The following SOX5 variants were observed in gnomAD, a reference collection of about 807,000 sequenced individuals.
SOX5 encodes SRY-box transcription factor 5.
In SOX5, 9 loss-of-function variants were observed where a neutral mutation model predicts 92.0. The observed-to-expected ratio is 0.10, with a 90% CI of 0.06 to 0.17. The LOEUF is 0.17. Among genes scored for constraint, SOX5 ranks in the 10% least tolerant of loss-of-function variants. The probability of loss-of-function intolerance (pLI) is 1.00; values close to 1 mark genes in which losing one functional copy is unlikely to be tolerated. For synonymous variants in SOX5, 344 were observed against 336.3 expected, an observed-to-expected ratio of 1.02 and a Z score of -0.25; for missense variants, 642 against 944.5, an observed-to-expected ratio of 0.68 and a Z score of 4.20.
intron 4 of SOX5, among the ~76,000 whole-genome samples, chr12:24,047,997 G>T (rs74757488): frequency 0.15 from 23,050 of 152,090 alleles, 2,024 homozygotes; most frequent in Non-Finnish European, 0.2. Flanking sequence ...AAGGTTCTCA[G>T]GTGAATACCT....
Position 24,505,852 on chromosome 12 carries a change from T to TGTGTGC in SOX5, c.-251+56476_-251+56477insGCACAC, listed in dbSNP as rs1252814448. ...GTATGTGTGTGTGTGTGTGTGTGTG[T>TGTGTGC]GCGTGTGTGTGTGTGTGTGTGCGCA... On this transcript the variant is annotated intron_variant, in intron 1 of 4. Coordinates refer to the SOX5 transcript ENST00000446891. Among the ~76,000 whole-genome samples, 311 of 146,320 alleles carry TGTGTGC rather than the reference T, an allele frequency of 2.1e-3. 1 individual carries two copies. Among genetic ancestry groups the TGTGTGC allele is most frequent in the African/African-American group, 7.1e-3 (283 of 39,616 alleles).
intron 2 of SOX5, among the ~76,000 whole-genome samples, chr12:24,330,295 A>G (rs1178957746): frequency 1.3e-5 from 2 of 152,210 alleles, no homozygotes; most frequent in Non-Finnish European, 2.9e-5. Context: ...TTAAGAAACA[A>G]ATTCAATCTT....
chr12:23,638,937 T>C (rs1449981183), intron 8 of SOX5, among the ~76,000 whole-genome samples: 2 of 151,912 alleles, frequency 1.3e-5, no homozygotes, highest in East Asian at 3.9e-4. Flanking sequence ...TGTGTTTTAA[T>C]AGTAGCTGAT....
chr12:23,559,790 C>T (rs1471846264), intron 11 of SOX5, among the ~76,000 whole-genome samples: 1 of 152,178 alleles, frequency 6.6e-6, no homozygotes, highest in East Asian at 1.9e-4. Context: ...TGATGTAAAG[C>T]ACCCGGCTGA....
chr12:23,921,738 C>T (rs1284120035), intron 1 of SOX5, among the ~76,000 whole-genome samples: 1 of 152,210 alleles, frequency 6.6e-6, no homozygotes, highest in Non-Finnish European at 1.5e-5. Flanking sequence ...CACAACCACC[C>T]AGCCTTCTTA....
At chr12:23,571,476 A>G (rs931543717) in intron 10 of SOX5, among the ~76,000 whole-genome samples, 4 of 152,320 alleles carry the variant, frequency 2.6e-5, no homozygotes, top group African/African-American at 7.2e-5. Context: ...TTGTCTGCTT[A>G]TCCTCCAGAC....
chr12:23,957,427 G>T (rs900979788), intron 4 of SOX5, among the ~76,000 whole-genome samples: 4 of 152,172 alleles, frequency 2.6e-5, no homozygotes, highest in African/African-American at 9.7e-5. Flanking sequence ...ATAATTAAAA[G>T]CAGTTTAGTC....
chr12:24,187,448 A>G (rs1221305222), intron 4 of SOX5, among the ~76,000 whole-genome samples: 1 of 152,204 alleles, frequency 6.6e-6, no homozygotes, highest in Non-Finnish European at 1.5e-5. Flanking sequence ...CATCAAAGAA[A>G]AGCATCAATT....
chr12:23,729,633 G>C (rs1020782712), intron 6 of SOX5, among the ~76,000 whole-genome samples: 1 of 152,118 alleles, frequency 6.6e-6, no homozygotes, highest in Non-Finnish European at 1.5e-5. Flanking sequence ...GCTTGCAAGA[G>C]AACACAATGA....
chr12:24,480,200 G>T (rs1945831602), intron 1 of SOX5, among the ~76,000 whole-genome samples: 1 of 152,060 alleles, frequency 6.6e-6, no homozygotes, highest in Admixed American at 6.5e-5. Flanking sequence ...GGGAAAACTG[G>T]ATATCCCTGT....
At chr12:23,965,707 C>T (rs1947476756) in intron 4 of SOX5, among the ~76,000 whole-genome samples, 1 of 152,084 alleles carries the variant, frequency 6.6e-6, no homozygotes, top group Non-Finnish European at 1.5e-5. Context: ...CAACCTCTGC[C>T]CCCCAGGTTC....
At chr12:24,115,563 T>TG (rs1252995159) in intron 4 of SOX5, among the ~76,000 whole-genome samples, 1 of 152,092 alleles carries the variant, frequency 6.6e-6, no homozygotes, top group African/African-American at 2.4e-5. Context: ...CCCTCCCTGT[T>TG]GGGGGAGGGA....
chr12:24,114,820 T>C (rs1947806697), intron 4 of SOX5, among the ~76,000 whole-genome samples: 1 of 151,736 alleles, frequency 6.6e-6, no homozygotes. Context: ...CCTATAGTCC[T>C]AGCTACTCGG....
At position 23,830,467 on chromosome 12, in the gene SOX5, T is replaced by C. The variant is rs564659636; in HGVS notation, c.481+15516A>G. Among the ~76,000 whole-genome samples the C allele has an allele frequency of 7.9e-5, 12 of 152,230 alleles. No homozygotes were observed. The South Asian group carries it at 1.2e-3, about 16-fold the overall frequency. On this transcript the variant is annotated intron_variant, in intron 3 of 14. Transcript: ENST00000451604. ...AGGAACAAAACTTAAAAGGGCTCAA[T>C]TGAAAAGTACCCTTGTTTGTCCTTC...
intron 4 of SOX5, among the ~76,000 whole-genome samples, chr12:24,139,007 T>C (rs2138624174): frequency 6.6e-6 from 1 of 152,268 alleles, no homozygotes; most frequent in Non-Finnish European, 1.5e-5. Flanking sequence ...CCCTGAGTTT[T>C]CCCCTTACAC....
At chr12:24,528,540 T>A (rs1368827670) in intron 1 of SOX5, among the ~76,000 whole-genome samples, 1 of 152,030 alleles carries the variant, frequency 6.6e-6, no homozygotes, top group Non-Finnish European at 1.5e-5. Context: ...CTCTCTAGAG[T>A]CCTTCATTTC....
chr12:24,068,731 TATATATATATATATATACACAC>T (rs1941272508), intron 4 of SOX5, among the ~76,000 whole-genome samples: 1 of 92,074 alleles, frequency 1.1e-5, no homozygotes, highest in Non-Finnish European at 2.3e-5. Flanking sequence ...TATATATATA[TATATATATATATATATACACAC>T]ACACACATTA....
rs530291545 is a variant in SOX5, at chr12:23,752,747, C to A, written c.568+2891G>T. On this transcript the variant is annotated intron_variant, in intron 4 of 14. Transcript: ENST00000451604. Reference sequence around the variant, plus strand: ...AGGGCAAAAGAATCTGTAAACTGACCAGTTATACTACATCGCTTATAAGTA... The same window carrying A: ...AGGGCAAAAGAATCTGTAAACTGACAAGTTATACTACATCGCTTATAAGTA... Among the ~76,000 whole-genome samples, 13 of 151,934 alleles carry A rather than the reference C, an allele frequency of 8.6e-5. No individual in the cohort carries two copies. In the South Asian group the frequency reaches 2.5e-3, roughly 29 times the overall value.
At chr12:23,647,126 C>T (rs182951929) in intron 7 of SOX5, among the ~76,000 whole-genome samples, 5 of 152,316 alleles carry the variant, frequency 3.3e-5, no homozygotes, top group South Asian at 2.1e-4. Flanking sequence ...CTCCTTGACT[C>T]GTTGGCTGTA....
Sources: allele counts gnomAD v4.1 joint callset (sites outside exome capture counted in the v4.1 genomes callset), GRCh38; gene constraint gnomAD v4.1.1; transcripts MANE v1.5; gene names NCBI Gene and HGNC (gene_info 2026-07-23, HGNC 2026-07-21).